The following SH3RF1 variants were observed in gnomAD, a reference collection of about 807,000 sequenced individuals.
SH3RF1 encodes the protein E3 ubiquitin-protein ligase SH3RF1.
A neutral mutation model predicts 74.0 loss-of-function variants in SH3RF1; 32 were observed. The ratio of observed to expected loss-of-function variants is 0.43; its 90% CI spans 0.33 to 0.58. SH3RF1 has a LOEUF of 0.58. Ranked by LOEUF, SH3RF1 falls within the 20% of genes least tolerant of loss-of-function variation. The pLI, the probability that SH3RF1 is intolerant of heterozygous loss-of-function variation, is 0.05. For missense variants in SH3RF1, 954 were observed against 1,130.9 expected (o/e 0.84, Z 2.24); for synonymous variants, 396 against 439.6 (o/e 0.90, Z 1.24).
intron 4 of SH3RF1, among the ~76,000 whole-genome samples, chr4:169,138,301 C>G (rs374751652): frequency 6.6e-6 from 1 of 152,126 alleles, no homozygotes; most frequent in Non-Finnish European, 1.5e-5. Context: ...GGGGTAGGGT[C>G]CTCTTTCCTG....
In SH3RF1 at chr4:169,116,411, G is replaced by A; in HGVS notation, c.1997C>T (p.Ser666Phe). ...LACAAAAPLT[S>F]PSITSASLEA... Reference sequence around the variant, plus strand: ...CAGAGAAGCACTGGTGATGCTTGGGGAAGTCAGTGGAGCAGCTGCTGCACA... The same window carrying A: ...CAGAGAAGCACTGGTGATGCTTGGGAAAGTCAGTGGAGCAGCTGCTGCACA... The change falls in exon 10 of 12, where the codon TCC becomes TTC. Residue 666 changes from serine to phenylalanine, a missense_variant. By Grantham distance (155) the Ser-to-Phe change is radical. Transcript: ENST00000284637. 6.2e-7 allele frequency: 1 copy of A among 1,614,184 alleles called. No homozygotes were observed. The highest frequency in any genetic ancestry group is 8.5e-7 in the Non-Finnish European group (1 of 1,180,038).
intron 2 of SH3RF1, among the ~76,000 whole-genome samples, chr4:169,233,078 A>G (rs540324164): frequency 5.6e-4 from 85 of 152,056 alleles, no homozygotes; most frequent in Admixed American, 5.0e-3. Flanking sequence ...GCAAAACCCC[A>G]TCTCTACTAA....
At chr4:169,265,258 G>A (rs944052106) in intron 2 of SH3RF1, among the ~76,000 whole-genome samples, 9 of 152,048 alleles carry the variant, frequency 5.9e-5, no homozygotes, top group African/African-American at 7.2e-5. Flanking sequence ...TGTAGTGCCC[G>A]GCACCTAATG....
intron 2 of SH3RF1, among the ~76,000 whole-genome samples, chr4:169,191,465 C>T (rs1214422055): frequency 6.6e-6 from 1 of 152,086 alleles, no homozygotes; most frequent in African/African-American, 2.4e-5. Context: ...AATGACCATA[C>T]AGCCAAAAGC....
intron 2 of SH3RF1, among the ~76,000 whole-genome samples, chr4:169,170,821 A>T (rs1440192030): frequency 1.3e-5 from 2 of 152,208 alleles, no homozygotes; most frequent in African/African-American, 4.8e-5. Context: ...CATGTGTCTC[A>T]TCTGGAAAAG....
chr4:169,252,748 G>A (rs1329158594), intron 2 of SH3RF1, among the ~76,000 whole-genome samples: 1 of 152,186 alleles, frequency 6.6e-6, no homozygotes. Context: ...ATGGACTGAC[G>A]TATTCATAAG....
intron 2 of SH3RF1, among the ~76,000 whole-genome samples, chr4:169,193,542 C>T (rs1472579002): frequency 6.6e-6 from 1 of 152,156 alleles, no homozygotes; most frequent in Admixed American, 6.5e-5. Flanking sequence ...CAAGTTAAAA[C>T]TGTCATTCCA....
At chr4:169,152,175 C>T (rs1157258594) in intron 4 of SH3RF1, among the ~76,000 whole-genome samples, 1 of 152,102 alleles carries the variant, frequency 6.6e-6, no homozygotes, top group Non-Finnish European at 1.5e-5. Flanking sequence ...GAAGAAAGGG[C>T]CTGTCTAAAT....
chr4:169,249,353 T>A (rs1291791976), intron 2 of SH3RF1, among the ~76,000 whole-genome samples: 3 of 152,246 alleles, frequency 2.0e-5, no homozygotes, highest in Non-Finnish European at 4.4e-5. Flanking sequence ...TAGAGGGCCA[T>A]GTGAGGACAC....
At chr4:169,168,312 T>C (rs1259553162) in intron 2 of SH3RF1, among the ~76,000 whole-genome samples, 1 of 152,208 alleles carries the variant, frequency 6.6e-6, no homozygotes, top group African/African-American at 2.4e-5. Context: ...TTGTACATAA[T>C]GTACTGTCAC....
At chr4:169,186,307 A>G (rs1734601269) in intron 2 of SH3RF1, among the ~76,000 whole-genome samples, 1 of 152,040 alleles carries the variant, frequency 6.6e-6, no homozygotes, top group Non-Finnish European at 1.5e-5. Context: ...ATGTTTACCT[A>G]TGTAACCCGC....
chr4:169,176,405 T>G (rs1223252274), intron 2 of SH3RF1, among the ~76,000 whole-genome samples: 3 of 152,248 alleles, frequency 2.0e-5, no homozygotes, highest in Non-Finnish European at 4.4e-5. Flanking sequence ...GCTAGCTACC[T>G]TACATGTTCA....
At chr4:169,162,507 G>A (rs934346784) in intron 2 of SH3RF1, among the ~76,000 whole-genome samples, 4 of 152,148 alleles carry the variant, frequency 2.6e-5, no homozygotes, top group Non-Finnish European at 4.4e-5. Context: ...GGAAAGCACT[G>A]TGCTGGGGAA....
intron 2 of SH3RF1, among the ~76,000 whole-genome samples, chr4:169,265,225 A>G (rs934537034): frequency 2.0e-5 from 3 of 152,188 alleles, no homozygotes; most frequent in Non-Finnish European, 4.4e-5. Flanking sequence ...TGGTTTGTCT[A>G]CCATTACCTA....
chr4:169,249,597 T>C (rs1731064071), intron 2 of SH3RF1, among the ~76,000 whole-genome samples: 1 of 152,222 alleles, frequency 6.6e-6, no homozygotes, highest in Non-Finnish European at 1.5e-5. Flanking sequence ...GGAAAGCAGA[T>C]TATGTACCAA....
intron 2 of SH3RF1, among the ~76,000 whole-genome samples, chr4:169,197,813 C>T (rs76325314): frequency 0.017 from 2,517 of 152,006 alleles, 76 homozygotes; most frequent in African/African-American, 0.058. Flanking sequence ...TTCTTCAGCG[C>T]TTTTTGGTTA....
intron 2 of SH3RF1, among the ~76,000 whole-genome samples, chr4:169,239,325 C>T (rs947723368): frequency 3.3e-5 from 5 of 151,264 alleles, no homozygotes; most frequent in Non-Finnish European, 7.4e-5. Flanking sequence ...GTTCAAGTGA[C>T]ACGCAGGAAA....
chr4:169,224,326 T>A (rs1179139085), intron 2 of SH3RF1, among the ~76,000 whole-genome samples: 1 of 151,934 alleles, frequency 6.6e-6, no homozygotes, highest in Non-Finnish European at 1.5e-5. Context: ...TTCCTATTTT[T>A]TTTTTTTTTG....
At chr4:169,175,730 C>A (rs555411040) in intron 2 of SH3RF1, among the ~76,000 whole-genome samples, 45 of 152,302 alleles carry the variant, frequency 3.0e-4, no homozygotes, top group Admixed American at 9.8e-4. Flanking sequence ...TCTAAAAAAA[C>A]TGTCTTGTTC....
Sources: allele counts gnomAD v4.1 joint callset (sites outside exome capture counted in the v4.1 genomes callset), GRCh38; gene constraint gnomAD v4.1.1; transcripts MANE v1.5; gene names NCBI Gene and HGNC (gene_info 2026-07-23, HGNC 2026-07-21).